Variants in MYO9A observed in about 807,000 individuals in gnomAD.
MYO9A encodes the protein myosin IXA.
In MYO9A, 103 loss-of-function variants were observed where a neutral mutation model predicts 293.3. The ratio of observed to expected loss-of-function variants is 0.35; its 90% CI spans 0.30 to 0.41. The LOEUF (loss-of-function observed/expected upper bound fraction) is 0.41, where lower values mean the gene tolerates loss of function less well. Ranked by LOEUF, MYO9A falls within the 10% of genes least tolerant of loss-of-function variation. The pLI is 1.00. For missense variants in MYO9A, 2,685 were observed against 3,033.0 expected (o/e 0.89, Z 2.69); for synonymous variants, 1,001 against 1,035.7 (o/e 0.97, Z 0.64).
chr15:72,019,480 TC>T (rs1306309009), intron 5 of MYO9A, among the ~76,000 whole-genome samples: 1 of 152,108 alleles, frequency 6.6e-6, no homozygotes, highest in East Asian at 1.9e-4. Flanking sequence ...AAAAAGAAAA[TC>T]TTTAATCACC....
At position 71,830,118 on chromosome 15, in the gene MYO9A, T is replaced by A. The variant is rs773622297; in HGVS notation, c.7031A>T (p.Gln2344Leu). 1 of 1,614,066 alleles carries A rather than the reference T, an allele frequency of 6.2e-7. No homozygotes were observed. Among genetic ancestry groups the A allele is most frequent in the Non-Finnish European group, 8.5e-7 (1 of 1,179,938 alleles). The change falls in exon 40 of 42, where the codon CAG (glutamine) becomes CTG (leucine). Residue 2344 changes from glutamine (Q) to leucine (L), a missense_variant. Gln to Leu is a moderately radical substitution (Grantham distance 113). Transcript: ENST00000356056. ...CCTCCTGGATACTCACTTCTCCTTC[T>A]GTAGGTTCTCAATCTGCTCAGTCAG... The part of the protein sequence containing the change: ...RVLTEQIENL[Q>L]KEKEELTFEM...
At chr15:72,115,958 G>A (rs909098286) in intron 1 of MYO9A, among the ~76,000 whole-genome samples, 6 of 152,174 alleles carry the variant, frequency 3.9e-5, no homozygotes, top group African/African-American at 1.2e-4. Flanking sequence ...GCCAGTAAAT[G>A]AGGCACTTCC....
intron 1 of MYO9A, among the ~76,000 whole-genome samples, chr15:72,053,174 C>A (rs75553073): frequency 1.3e-5 from 2 of 151,940 alleles, no homozygotes; most frequent in East Asian, 3.9e-4. Flanking sequence ...CCAAGGCAGG[C>A]GGATCACTTA....
At chr15:72,053,022 G>A (rs570624486) in intron 1 of MYO9A, among the ~76,000 whole-genome samples, 4 of 151,802 alleles carry the variant, frequency 2.6e-5, no homozygotes, top group East Asian at 3.9e-4. Flanking sequence ...TGCCCAGGCC[G>A]GTCCACAAAG....
chr15:71,985,570 C>T (rs1222253093), intron 11 of MYO9A, among the ~76,000 whole-genome samples: 2 of 152,150 alleles, frequency 1.3e-5, no homozygotes, highest in Non-Finnish European at 2.9e-5. Context: ...AGGGCCTCCT[C>T]CTTATTTTTG....
intron 14 of MYO9A, among the ~76,000 whole-genome samples, chr15:71,954,439 C>T (rs1452062907): frequency 6.6e-6 from 1 of 152,158 alleles, no homozygotes; most frequent in Non-Finnish European, 1.5e-5. Flanking sequence ...CTCCTGACCT[C>T]GTGATCCACC....
At chr15:71,855,874 A>T (rs1463679127) in intron 34 of MYO9A, among the ~76,000 whole-genome samples, 1 of 152,202 alleles carries the variant, frequency 6.6e-6, no homozygotes, top group Non-Finnish European at 1.5e-5. Flanking sequence ...TATATAGCAA[A>T]CTAAAGTGCA....
intron 1 of MYO9A, among the ~76,000 whole-genome samples, chr15:72,084,661 G>T (rs927446582): frequency 4.6e-5 from 7 of 152,134 alleles, no homozygotes; most frequent in African/African-American, 1.7e-4. Context: ...ACGTCTGACG[G>T]TATCAAATTC....
intron 17 of MYO9A, among the ~76,000 whole-genome samples, chr15:71,934,845 A>T (rs2058590490): frequency 7.2e-6 from 1 of 138,204 alleles, no homozygotes; most frequent in African/African-American, 2.8e-5. Flanking sequence ...CATGGTAGAG[A>T]ATGGTTATAG....
chr15:71,884,256 C>A (rs1480334155), intron 27 of MYO9A, among the ~76,000 whole-genome samples: 1 of 152,150 alleles, frequency 6.6e-6, no homozygotes, highest in Non-Finnish European at 1.5e-5. Context: ...GCAAGTTTTA[C>A]ATCACTGTTA....
At position 72,003,648 on chromosome 15, in the gene MYO9A, G is replaced by A. The variant is rs1228260692; in HGVS notation, c.1381-3708C>T. ...GAACCCAGGAAGCGGAGCTTGCAGT[G>A]AGCCGAGATTGCGCCACTGCACTCC... is the stretch of plus-strand genomic sequence containing the variant. On this transcript the variant is annotated intron_variant, in intron 8 of 41. Coordinates refer to ENST00000356056, the MANE Select transcript of MYO9A (RefSeq NM_006901.4). 3.4e-5 allele frequency among the ~76,000 whole-genome samples: 5 copies of A among 149,190 alleles called. No individual in the cohort carries two copies. In the Admixed American group the frequency reaches 3.4e-4, roughly 10 times the overall value.
intron 15 of MYO9A, among the ~76,000 whole-genome samples, chr15:71,940,306 G>A (rs533367102): frequency 5.9e-5 from 9 of 152,214 alleles, no homozygotes; most frequent in African/African-American, 2.2e-4. Flanking sequence ...ACAAGCCTGG[G>A]CAACATGCTG....
At chr15:71,893,892 A>G in intron 25 of MYO9A, 114 bp from the exon 26 acceptor site, 1 of 793,280 alleles carries the variant, frequency 1.3e-6, no homozygotes, top group Non-Finnish European at 2.0e-6. Flanking sequence ...TCAATTCCCA[A>G]GACAATTAAG....
At chr15:72,081,913 C>T (rs2079557743) in intron 1 of MYO9A, among the ~76,000 whole-genome samples, 2 of 152,096 alleles carry the variant, frequency 1.3e-5, no homozygotes, top group African/African-American at 4.8e-5. Context: ...TGTCCCAGTA[C>T]CATGCTGTTT....
Position 71,903,075 on chromosome 15 carries a change from T to G in MYO9A, c.2878-12A>C. 2.5e-6 allele frequency: 4 copies of G among 1,573,142 alleles called. No homozygotes were observed. Among genetic ancestry groups the G allele is most frequent in the Non-Finnish European group, 3.5e-6 (4 of 1,154,442 alleles). On this transcript the variant is annotated splice_polypyrimidine_tract_variant and intron_variant, in intron 21 of 41. Transcript: ENST00000356056. ...TGGCTCACAAAATCCTGAAAAATAATTTAAAAATATTGTAAAATCAGAAAA... is the reference window on the plus strand; with the variant it reads ...TGGCTCACAAAATCCTGAAAAATAAGTTAAAAATATTGTAAAATCAGAAAA...
intron 15 of MYO9A, among the ~76,000 whole-genome samples, chr15:71,941,871 A>G (rs933092826): frequency 2.6e-5 from 4 of 152,158 alleles, no homozygotes; most frequent in Non-Finnish European, 4.4e-5. Context: ...AATGCCAAAA[A>G]TTTGATAGTT....
rs1164144515 is a variant in MYO9A at position 71,826,243 on chromosome 15, A to G, written c.*337T>C. ...AATGAGAGGGTCCCTCAGGACAGCA[A>G]TATCCCCCCTAGTTCAACACCCACC... On this transcript the variant is annotated 3_prime_UTR_variant, in exon 42 of 42. Coordinates refer to ENST00000356056, the MANE Select transcript of MYO9A (RefSeq NM_006901.4). 1.7e-5 allele frequency: 4 copies of G among 231,418 alleles called. No homozygotes were observed. The highest frequency in any genetic ancestry group is 5.0e-5 in the Admixed American group (1 of 20,024). The allele number at this position is 231,418 out of a possible 1,614,324, so 14.3% of individuals were successfully genotyped here. A position where few individuals can be genotyped will look rare whatever the true frequency, so the allele number is the denominator to read the frequency against.
intron 16 of MYO9A, among the ~76,000 whole-genome samples, chr15:71,935,903 T>TACACACACACACAC (rs66924608): frequency 2.0e-5 from 3 of 148,006 alleles, no homozygotes; most frequent in South Asian, 4.3e-4. Context: ...AGGTCTTATT[T>TACACACACACACAC]ACACACACAC....
intron 6 of MYO9A, among the ~76,000 whole-genome samples, chr15:72,012,522 T>C (rs1233742152): frequency 1.3e-5 from 2 of 152,110 alleles, no homozygotes; most frequent in Non-Finnish European, 2.9e-5. Context: ...GGTCTCAAAC[T>C]CCTGACCTCA....
Sources: allele counts gnomAD v4.1 joint callset (sites outside exome capture counted in the v4.1 genomes callset), GRCh38; gene constraint gnomAD v4.1.1; transcripts MANE v1.5; gene names NCBI Gene and HGNC (gene_info 2026-07-23, HGNC 2026-07-21).